Variants in CCDC34 observed in about 807,000 individuals in gnomAD.
CCDC34 encodes coiled-coil domain containing 34.
Under a neutral mutation model 44.1 loss-of-function variants are expected in CCDC34, and 40 were observed. The ratio of observed to expected loss-of-function variants is 0.91; its 90% CI spans 0.70 to 1.18. The LOEUF (loss-of-function observed/expected upper bound fraction) is 1.18. CCDC34 is among the 50% of genes most tolerant of loss of function. The probability of loss-of-function intolerance (pLI) is 0.00; values close to 1 mark genes in which losing one functional copy is unlikely to be tolerated. For missense variants in CCDC34, 466 were observed against 452.3 expected (o/e 1.03, Z -0.28); for synonymous variants, 159 against 158.2 (o/e 1.01, Z -0.04).
chr11:27,339,157 T>C (rs970709845), intron 5 of CCDC34, 122 bp from the exon 6 acceptor site: 4 of 677,756 alleles, frequency 5.9e-6, no homozygotes, highest in African/African-American at 3.7e-5. Flanking sequence ...AATAAGCCAA[T>C]GTGACTTATT....
chr11:27,358,975 C>G (rs12785624), intron 1 of CCDC34, among the ~76,000 whole-genome samples: 1 of 147,342 alleles, frequency 6.8e-6, no homozygotes, highest in Non-Finnish European at 1.5e-5. Context: ...CCCCCCACCG[C>G]CACCACCTCC....
intron 3 of CCDC34, chr11:27,349,167 T>G: frequency 1.0e-6 from 1 of 975,194 alleles, no homozygotes; most frequent in Non-Finnish European, 1.2e-6. Context: ...CTATTCTGCA[T>G]GTGTAAAATA....
At chr11:27,357,340 T>G (rs1231896950) in intron 2 of CCDC34, 63 bp downstream of exon 2, 2 of 1,487,786 alleles carry the variant, frequency 1.3e-6, no homozygotes, top group Non-Finnish European at 1.8e-6. Flanking sequence ...CATTTTAATT[T>G]ACAACTGCAG....
Position 27,341,467 on chromosome 11 carries a change from T to C in CCDC34, c.690A>G (p.Glu230=). 3 of 1,460,204 alleles carry C rather than the reference T, an allele frequency of 2.1e-6. No individual in the cohort carries two copies. The highest frequency in any genetic ancestry group is 2.8e-6 in the Non-Finnish European group (3 of 1,077,816). The allele number at this position is 1,460,204 out of a possible 1,614,324, so 90.5% of individuals were successfully genotyped here. A position where few individuals can be genotyped will look rare whatever the true frequency, so the allele number is the denominator to read the frequency against. The change falls in exon 4 of 6, where the codon GAA becomes GAG. Residue 230 remains glutamate (E), a synonymous_variant. Coordinates refer to ENST00000328697, the MANE Select transcript of CCDC34 (RefSeq NM_030771.2). ...ATTCTTGATATTTTTCTTTTGCTTTTTCTTGCAAGTATTCTTTCTCCAGTT... is the reference window on the plus strand; with the variant it reads ...ATTCTTGATATTTTTCTTTTGCTTTCTCTTGCAAGTATTCTTTCTCCAGTT... ...AKELEKEYLQ[E]KAKEKYQEWL...
chr11:27,358,958 A>AGG (rs1862618018), intron 1 of CCDC34, among the ~76,000 whole-genome samples: 4 of 88,244 alleles, frequency 4.5e-5, no homozygotes, highest in African/African-American at 1.2e-4. Context: ...CAACATGTGG[A>AGG]CCCCCCCCCC....
intron 2 of CCDC34, among the ~76,000 whole-genome samples, chr11:27,356,008 A>AATTTTTT (rs1862569531): frequency 1.4e-5 from 1 of 69,482 alleles, no homozygotes; most frequent in Admixed American, 2.3e-4. Flanking sequence ...TGTTCCCAGG[A>AATTTTTT]TTTTTTTTTT....
chr11:27,357,205 A>G (rs1187865420), intron 2 of CCDC34, among the ~76,000 whole-genome samples, 198 bp downstream of exon 2: 2 of 152,194 alleles, frequency 1.3e-5, no homozygotes, highest in African/African-American at 4.8e-5. Context: ...AATTATGCTT[A>G]GCTGTATTTT....
chr11:27,360,424 G>C (rs762810617), intron 1 of CCDC34, among the ~76,000 whole-genome samples: 1 of 152,170 alleles, frequency 6.6e-6, no homozygotes, highest in African/African-American at 2.4e-5. Flanking sequence ...ATGTGCAGCT[G>C]ATGCCTGAGC....
Position 27,338,761 on chromosome 11 carries a change from AC to A in CCDC34, c.*59del. The A allele has an allele frequency of 3.5e-6, 5 of 1,418,134 alleles. No individual in the cohort carries two copies. Among genetic ancestry groups the A allele is most frequent in the Non-Finnish European group, 4.9e-6 (5 of 1,016,624 alleles). The allele number at this position is 1,418,134 out of a possible 1,614,324, so 87.8% of individuals were successfully genotyped here. On this transcript the variant is annotated 3_prime_UTR_variant, in exon 6 of 6. Transcript: ENST00000328697. ...TGAGTTATTGACTGAGCAGTAAAAA[AC>A]AATTTCTGATTTTTAAATTAAATAG...
At chr11:27,342,241 T>G (rs761576536) in intron 3 of CCDC34, among the ~76,000 whole-genome samples, 63 of 151,022 alleles carry the variant, frequency 4.2e-4, no homozygotes, top group Non-Finnish European at 7.2e-4. Flanking sequence ...TTAGATTGTC[T>G]GAATCTTAGT....
chr11:27,347,226 T>A (rs1243717279), intron 3 of CCDC34, among the ~76,000 whole-genome samples: 1 of 152,208 alleles, frequency 6.6e-6, no homozygotes, highest in South Asian at 2.1e-4. Flanking sequence ...CTGCCAAAGA[T>A]GTGGAGCAAC....
At chr11:27,352,829 CCAAA>C (rs1260388458) in intron 2 of CCDC34, among the ~76,000 whole-genome samples, 1 of 152,090 alleles carries the variant, frequency 6.6e-6, no homozygotes, top group East Asian at 1.9e-4. Flanking sequence ...TACCAATAAC[CCAAA>C]CAGTGTTCTA....
chr11:27,355,150 G>GA (rs1003626252), intron 2 of CCDC34, among the ~76,000 whole-genome samples: 13 of 152,090 alleles, frequency 8.5e-5, no homozygotes, highest in African/African-American at 3.1e-4. Flanking sequence ...TGAGACTGTA[G>GA]ATAAAGCCCA....
At chr11:27,356,812 AG>A (rs752421856) in intron 2 of CCDC34, among the ~76,000 whole-genome samples, 4 of 148,974 alleles carry the variant, frequency 2.7e-5, no homozygotes, top group South Asian at 4.4e-4. Context: ...AAGACTAGCA[AG>A]CAGTTTCCCA....
At chr11:27,358,443 T>C (rs1199766431) in intron 1 of CCDC34, among the ~76,000 whole-genome samples, 1 of 152,212 alleles carries the variant, frequency 6.6e-6, no homozygotes, top group African/African-American at 2.4e-5. Context: ...TCTTTCACAT[T>C]CCTGCTTATA....
intron 3 of CCDC34, among the ~76,000 whole-genome samples, chr11:27,347,884 A>ATTTTATTGTATG (rs1336154973): frequency 2.6e-5 from 4 of 152,224 alleles, no homozygotes; most frequent in African/African-American, 9.6e-5. Flanking sequence ...TATGCAAACT[A>ATTTTATTGTATG]CAGCTCAATA....
Position 27,338,819 on chromosome 11 carries a change from C to A in CCDC34, c.*2G>T. The A allele has an allele frequency of 1.9e-6, 3 of 1,606,046 alleles. No homozygotes were observed. The highest frequency in any genetic ancestry group is 2.6e-6 in the Non-Finnish European group (3 of 1,174,590). ...ATAAAAGCATGTTATTTTCCACATA[C>A]GCTATCTTTGTATTCTGCACAGAGT... On this transcript the variant is annotated 3_prime_UTR_variant, in exon 6 of 6. Coordinates refer to ENST00000328697, the MANE Select transcript of CCDC34 (RefSeq NM_030771.2).
chr11:27,357,232 T>G (rs534700991), intron 2 of CCDC34, among the ~76,000 whole-genome samples, 171 bp downstream of exon 2: 1 of 152,196 alleles, frequency 6.6e-6, no homozygotes, highest in African/African-American at 2.4e-5. Context: ...GCTCTAACAA[T>G]GAACATATTT....
intron 4 of CCDC34, 94 bp from the exon 5 acceptor site, chr11:27,340,931 T>C: frequency 8.8e-7 from 1 of 1,135,762 alleles, no homozygotes; most frequent in Non-Finnish European, 1.3e-6. Flanking sequence ...AGTAGCTTCC[T>C]ACCCCAATGG....
Sources: allele counts gnomAD v4.1 joint callset (sites outside exome capture counted in the v4.1 genomes callset), GRCh38; gene constraint gnomAD v4.1.1; transcripts MANE v1.5; gene names NCBI Gene and HGNC (gene_info 2026-07-23, HGNC 2026-07-21).